PRMT9: variants seen among roughly 807,000 people sequenced by gnomAD.
PRMT9 encodes the protein protein arginine N-methyltransferase 9.
Under a neutral mutation model 83.2 loss-of-function variants are expected in PRMT9, and 59 were observed. The ratio of observed to expected loss-of-function variants is 0.71; its 90% CI spans 0.57 to 0.88. The LOEUF is 0.88. Among genes scored for constraint, PRMT9 ranks in the 40% least tolerant of loss-of-function variants. The pLI, the probability that PRMT9 is intolerant of heterozygous loss-of-function variation, is 0.00. For synonymous variants in PRMT9, 333 were observed against 353.2 expected (o/e 0.94, Z 0.64); for missense variants, 947 against 1,021.9 (o/e 0.93, Z 1.00).
chr4:147,680,409 T>C lies in PRMT9; in HGVS notation c.252A>G (p.Gln84=), dbSNP rs1406495802. ...CCTGCTCATAGCAACCAAGTAAGTCTTGTATCCGACTGAGAGCATCAAGCT... is the reference window on the plus strand; with the variant it reads ...CCTGCTCATAGCAACCAAGTAAGTCCTGTATCCGACTGAGAGCATCAAGCT... ...AEELDALSRI[Q]DLLGCYEQAL... Residue 84 remains glutamine (Q), a synonymous_variant, in exon 2 of 12, where the codon CAA becomes CAG. Coordinates refer to ENST00000322396, the MANE Select transcript of PRMT9 (RefSeq NM_138364.4). 6.2e-7 allele frequency: 1 copy of C among 1,614,112 alleles called. No individual in the cohort carries two copies. The highest frequency in any genetic ancestry group is 2.2e-5 in the East Asian group (1 of 44,882).
chr4:147,655,114 A>G (rs9992593), intron 8 of PRMT9, among the ~76,000 whole-genome samples: 1,753 of 152,342 alleles, frequency 0.012, 40 homozygotes, highest in African/African-American at 0.04. Flanking sequence ...GGAAGAACCA[A>G]GTCCTACAAT....
At chr4:147,668,263 G>A (rs1374418334) in intron 6 of PRMT9, among the ~76,000 whole-genome samples, 8 of 152,198 alleles carry the variant, frequency 5.3e-5, no homozygotes, top group African/African-American at 1.7e-4. Flanking sequence ...TCTCATGATA[G>A]GGAGTGAATT....
intron 9 of PRMT9, among the ~76,000 whole-genome samples, chr4:147,650,618 T>C (rs1734029928): frequency 6.6e-6 from 1 of 152,174 alleles, no homozygotes; most frequent in South Asian, 2.1e-4. Flanking sequence ...GTGTTTTTTG[T>C]AGAAACAGAA....
rs370897081 is a variant in PRMT9 at position 147,657,659 on chromosome 4, T to A, written c.1330+133A>T. ...ATTTCAAATTTCTTTTGAAAAAAAA[T>A]GAAGTTCTGAAAGATTTAACCAACC... On this transcript the variant is annotated intron_variant, in intron 8 of 11. Transcript: ENST00000322396. The A allele has an allele frequency of 5.2e-5, 36 of 688,688 alleles. No homozygotes were observed. In the East Asian group the frequency reaches 7.9e-4, roughly 15 times the overall value. 42.7% of individuals were successfully genotyped at this position (688,688 alleles called of 1,614,324 possible).
intron 7 of PRMT9, among the ~76,000 whole-genome samples, chr4:147,658,217 G>T (rs1178315927): frequency 6.6e-6 from 1 of 151,708 alleles, no homozygotes; most frequent in African/African-American, 2.4e-5. Context: ...GATATGGAAA[G>T]AAGTCCATAA....
intron 4 of PRMT9, 142 bp downstream of exon 4, chr4:147,672,817 T>C: frequency 2.4e-6 from 1 of 409,094 alleles, no homozygotes; most frequent in Non-Finnish European, 4.2e-6. Context: ...ATATGTCTTA[T>C]AATAAACTAT....
At chr4:147,644,673 G>A (rs1392678983) in intron 9 of PRMT9, among the ~76,000 whole-genome samples, 1 of 152,094 alleles carries the variant, frequency 6.6e-6, no homozygotes, top group Non-Finnish European at 1.5e-5. Context: ...GTAACCAGGT[G>A]TTCATATTGC....
Position 147,683,958 on chromosome 4 carries a change from T to C in PRMT9, c.30A>G (p.Arg10=). The change falls in exon 1 of 12, where the codon CGA becomes CGG. Residue 10 remains arginine (R), a synonymous_variant. Coordinates refer to ENST00000322396, the MANE Select transcript of PRMT9 (RefSeq NM_138364.4). The part of the protein sequence containing the change: MSNSRPRSR[R]DAGGGAGAAG... The stretch of plus-strand genomic sequence containing the variant: ...CTGCCCCAGCGCCACCCCCGGCGTC[T>C]CGGCGGGACCTGGGCCGCGAGTTCG... The C allele has an allele frequency of 2.5e-6, 4 of 1,612,898 alleles. No homozygotes were observed. Among genetic ancestry groups the C allele is most frequent in the Non-Finnish European group, 2.5e-6 (3 of 1,179,644 alleles).
At position 147,680,402 on chromosome 4, in the gene PRMT9, G is replaced by T. The variant is rs920697274; in HGVS notation, c.259C>A (p.Leu87Ile). ...LDALSRIQDL[L>I]GCYEQALELF... ...TCCAAGGCCTGCTCATAGCAACCAA[G>T]TAAGTCTTGTATCCGACTGAGAGCA... is the stretch of plus-strand genomic sequence containing the variant. Residue 87 changes from leucine to isoleucine, a missense_variant, in exon 2 of 12, where the codon CTT becomes ATT. Physicochemically the swap from Leu to Ile is conservative, Grantham distance 5. Transcript: ENST00000322396. 3 of 1,613,962 alleles carry T rather than the reference G, an allele frequency of 1.9e-6. No individual in the cohort carries two copies. The highest frequency in any genetic ancestry group is 2.5e-6 in the Non-Finnish European group (3 of 1,179,838).
intron 10 of PRMT9, among the ~76,000 whole-genome samples, chr4:147,640,039 A>G (rs1487399482): frequency 9.7e-6 from 1 of 102,742 alleles, no homozygotes; most frequent in African/African-American, 3.8e-5. Flanking sequence ...TTTATTTCTC[A>G]CACTAACTGG....
At chr4:147,682,304 C>T (rs1232085520) in intron 1 of PRMT9, among the ~76,000 whole-genome samples, 1 of 151,918 alleles carries the variant, frequency 6.6e-6, no homozygotes, top group Non-Finnish European at 1.5e-5. Context: ...CTCAGCCTCT[C>T]GAGTAGCTGT....
chr4:147,651,537 T>G (rs1392272132), intron 9 of PRMT9, among the ~76,000 whole-genome samples: 1 of 152,076 alleles, frequency 6.6e-6, no homozygotes, highest in Non-Finnish European at 1.5e-5. Context: ...TACAACTCAA[T>G]AACAAAATAA....
At chr4:147,670,891 A>G in intron 4 of PRMT9, 148 bp from the exon 5 acceptor site, 3 of 622,240 alleles carry the variant, frequency 4.8e-6, no homozygotes, top group East Asian at 5.8e-5. Context: ...AAGATCTACT[A>G]CTGAATCTTG....
intron 9 of PRMT9, among the ~76,000 whole-genome samples, chr4:147,646,110 CA>C (rs1733711807): frequency 6.6e-6 from 1 of 152,174 alleles, no homozygotes; most frequent in South Asian, 2.1e-4. Context: ...AACCAAATTG[CA>C]ATCTATGCCT....
intron 10 of PRMT9, among the ~76,000 whole-genome samples, chr4:147,640,588 G>C (rs546819694): frequency 6.6e-6 from 1 of 152,064 alleles, no homozygotes; most frequent in South Asian, 2.1e-4. Flanking sequence ...CAATTGCTCA[G>C]TGACCACAGC....
intron 6 of PRMT9, among the ~76,000 whole-genome samples, chr4:147,665,186 T>C (rs1205484581): frequency 6.6e-6 from 1 of 152,046 alleles, no homozygotes; most frequent in Non-Finnish European, 1.5e-5. Context: ...AATCTTTCCT[T>C]TTGTCGTAAT....
In PRMT9 at chr4:147,671,892, T is replaced by C. The variant is rs753510486; in HGVS notation, c.743+1067A>G. 23 of 456,210 alleles carry C rather than the reference T, an allele frequency of 5.0e-5. 1 individual carries two copies. The highest frequency in any genetic ancestry group is 3.3e-4 in the Middle Eastern group (1 of 3,074). The allele number at this position is 456,210 out of a possible 1,614,324, so 28.3% of individuals were successfully genotyped here. On this transcript the variant is annotated intron_variant, in intron 4 of 11. Transcript: ENST00000322396. ...GCCTTAACCCCGAAACTGACTATAC[T>C]GGAGAAGGAAAGGCCGTGTAAAGAC... is the stretch of plus-strand genomic sequence containing the variant.
rs763959170 is a variant in PRMT9 at position 147,661,048 on chromosome 4, G to A, written c.954-10C>T. On this transcript the variant is annotated splice_polypyrimidine_tract_variant and intron_variant, in intron 6 of 11. Coordinates refer to ENST00000322396, the MANE Select transcript of PRMT9 (RefSeq NM_138364.4). ...GTCCTTAATACCCACTCTGGAGAGA[G>A]AGAAAATAGGGGAGGGGTAGGAAGA... The A allele has an allele frequency of 6.3e-6, 10 of 1,575,770 alleles. 1 individual carries two copies. The highest frequency in any genetic ancestry group is 4.4e-5 in the South Asian group (4 of 90,240).
At chr4:147,652,263 C>T (rs1399846711) in intron 9 of PRMT9, among the ~76,000 whole-genome samples, 1 of 152,002 alleles carries the variant, frequency 6.6e-6, no homozygotes, top group African/African-American at 2.4e-5. Flanking sequence ...AAGGCCTCCA[C>T]AAAATTTCTG....
Sources: gnomAD v4.1 joint callset for allele counts (sites outside exome capture counted in the v4.1 genomes callset) on GRCh38, gnomAD v4.1.1 for gene constraint, MANE v1.5 for transcripts, NCBI Gene and HGNC (gene_info 2026-07-23, HGNC 2026-07-21) for gene names.